MMS19: variants seen among roughly 807,000 people sequenced by gnomAD.
MMS19 encodes MMS19 nucleotide excision repair protein homolog.
Under a neutral mutation model 129.8 loss-of-function variants are expected in MMS19, and 77 were observed. The observed-to-expected ratio is 0.59, with a 90% CI of 0.49 to 0.72. MMS19 has a LOEUF of 0.72. Among genes scored for constraint, MMS19 ranks in the 30% least tolerant of loss-of-function variants. The pLI is 0.00. For synonymous variants in MMS19, 491 were observed against 502.8 expected, an observed-to-expected ratio of 0.98 and a Z score of 0.31; for missense variants, 1,168 against 1,266.3, an observed-to-expected ratio of 0.92 and a Z score of 1.18.
chr10:97,473,844 C>T (rs912299403), intron 8 of MMS19, among the ~76,000 whole-genome samples: 1 of 151,912 alleles, frequency 6.6e-6, no homozygotes. Context: ...ACTGTCTGGC[C>T]TTTTATAGAA....
chr10:97,488,627 G>A (rs1488174129), intron 1 of MMS19, among the ~76,000 whole-genome samples: 1 of 152,196 alleles, frequency 6.6e-6, no homozygotes, highest in Non-Finnish European at 1.5e-5. Flanking sequence ...TACAATCTAA[G>A]TGCTACGCAA....
intron 8 of MMS19, among the ~76,000 whole-genome samples, chr10:97,471,372 A>T (rs1233689009): frequency 2.6e-5 from 4 of 152,038 alleles, no homozygotes; most frequent in African/African-American, 9.7e-5. Context: ...TTTCACCCTT[A>T]TAAAAAGCTG....
chr10:97,458,613 C>T lies in MMS19; in HGVS notation c.*79G>A, dbSNP rs1316556513. 2.0e-5 allele frequency: 29 copies of T among 1,450,878 alleles called. No individual in the cohort carries two copies. Among genetic ancestry groups the T allele is most frequent in the Non-Finnish European group, 2.4e-5 (26 of 1,072,312 alleles). 89.9% of individuals were successfully genotyped at this position (1,450,878 alleles called of 1,614,324 possible). ...AAAGGCAGTCAGAGACCAGTGGTTT[C>T]CCTGCTTTGGGGAAGATGGCTCAAC... On this transcript the variant is annotated 3_prime_UTR_variant, in exon 31 of 31. Transcript: ENST00000438925.
At chr10:97,489,891 T>C (rs569740082) in intron 1 of MMS19, among the ~76,000 whole-genome samples, 1 of 152,356 alleles carries the variant, frequency 6.6e-6, no homozygotes, top group South Asian at 2.1e-4. Context: ...GGATATAAGA[T>C]AGTAACATGG....
chr10:97,496,414 T>C (rs568715845), intron 1 of MMS19, among the ~76,000 whole-genome samples: 14 of 151,386 alleles, frequency 9.2e-5, no homozygotes, highest in Non-Finnish European at 1.8e-4. Flanking sequence ...TTCGGGAGGC[T>C]TGAGGCAGGA....
intron 1 of MMS19, among the ~76,000 whole-genome samples, chr10:97,486,635 T>C (rs1281762005): frequency 3.3e-5 from 5 of 151,958 alleles, no homozygotes; most frequent in African/African-American, 1.2e-4. Context: ...AGTAGAATGG[T>C]GGCTGCAAAG....
At chr10:97,467,977 TA>T (rs1473184802) in intron 13 of MMS19, among the ~76,000 whole-genome samples, 1 of 151,790 alleles carries the variant, frequency 6.6e-6, no homozygotes, top group East Asian at 1.9e-4. Context: ...TTGGCTAATT[TA>T]AAAAAAATTT....
intron 1 of MMS19, among the ~76,000 whole-genome samples, chr10:97,488,512 T>C (rs2038305655): frequency 6.6e-6 from 1 of 152,192 alleles, no homozygotes; most frequent in Non-Finnish European, 1.5e-5. Context: ...CTAAAATCTG[T>C]GGATGCTCAA....
chr10:97,461,950 C>T, intron 21 of MMS19, 54 bp from the exon 22 acceptor site: 1 of 1,570,114 alleles, frequency 6.4e-7, no homozygotes, highest in Non-Finnish European at 8.6e-7. Context: ...TTGTCTGCCC[C>T]TCTACCCATT....
At chr10:97,476,339 C>A (rs947888714) in intron 8 of MMS19, among the ~76,000 whole-genome samples, 1 of 152,222 alleles carries the variant, frequency 6.6e-6, no homozygotes, top group African/African-American at 2.4e-5. Flanking sequence ...TCACACTGAA[C>A]TTTTGTCTTC....
At chr10:97,488,078 C>T (rs189517004) in intron 1 of MMS19, among the ~76,000 whole-genome samples, 22 of 151,698 alleles carry the variant, frequency 1.5e-4, no homozygotes, top group Admixed American at 6.6e-4. Flanking sequence ...GACAGAGTGA[C>T]GATCTGTCTC....
intron 1 of MMS19, among the ~76,000 whole-genome samples, chr10:97,494,861 C>T (rs991599225): frequency 6.6e-6 from 1 of 152,220 alleles, no homozygotes; most frequent in Admixed American, 6.5e-5. Context: ...CTTCCTTCAA[C>T]ATTTCTCATT....
At chr10:97,490,023 GT>G (rs756899520) in intron 1 of MMS19, among the ~76,000 whole-genome samples, 2 of 152,146 alleles carry the variant, frequency 1.3e-5, no homozygotes, top group Non-Finnish European at 2.9e-5. Context: ...TATTCATTAA[GT>G]CCAGCTCACA....
intron 4 of MMS19, 105 bp downstream of exon 4, chr10:97,478,199 G>A (rs766860366): frequency 2.3e-5 from 20 of 872,364 alleles, no homozygotes; most frequent in Non-Finnish European, 3.7e-5. Context: ...CCACACTTGG[G>A]CACCTGCTCC....
At chr10:97,473,862 GC>G (rs907927804) in intron 8 of MMS19, among the ~76,000 whole-genome samples, 1 of 152,104 alleles carries the variant, frequency 6.6e-6, no homozygotes, top group Admixed American at 6.6e-5. Context: ...GAAAAAGTTG[GC>G]CAGGCATGGT....
chr10:97,461,888 G>A lies in MMS19; in HGVS notation c.2124C>T (p.Ser708=). The A allele has an allele frequency of 1.2e-6, 2 of 1,605,310 alleles. No homozygotes were observed. Among genetic ancestry groups the A allele is most frequent in the Non-Finnish European group, 1.7e-6 (2 of 1,176,038 alleles). The change falls in exon 22 of 31, where the codon TCC becomes TCT. Residue 708 remains serine, a synonymous_variant. Coordinates refer to ENST00000438925, the MANE Select transcript of MMS19 (RefSeq NM_022362.5). ...PSRFQPFQDG[S]SGQRRLIALL... is the part of the protein sequence containing the mutation. ...GTGCAATCAGCCGCCTCTGCCCTGAGGAGCCATCCTATAAAGGAAGGAGAG... is the reference window on the plus strand; with the variant it reads ...GTGCAATCAGCCGCCTCTGCCCTGAAGAGCCATCCTATAAAGGAAGGAGAG...
chr10:97,493,460 A>G (rs550156823), intron 1 of MMS19, among the ~76,000 whole-genome samples: 1 of 152,164 alleles, frequency 6.6e-6, no homozygotes, highest in South Asian at 2.1e-4. Flanking sequence ...AGTCTCAGCT[A>G]CTCTGGAGGC....
chr10:97,490,640 G>C (rs1363222762), intron 1 of MMS19, among the ~76,000 whole-genome samples: 2 of 152,184 alleles, frequency 1.3e-5, no homozygotes, highest in African/African-American at 4.8e-5. Context: ...AAGTGAAAGA[G>C]AGGTCTGAAG....
At chr10:97,483,995 GGGCTACAAGACAAATTCA>G (rs1408176070) in intron 2 of MMS19, 90 bp downstream of exon 2, 1 of 706,488 alleles carries the variant, frequency 1.4e-6, no homozygotes, top group East Asian at 2.7e-5. Context: ...GGGGGCTGCT[GGGCTACAAGACAAATTCA>G]GGCTCCAGGA....
Sources: allele counts gnomAD v4.1 joint callset (sites outside exome capture counted in the v4.1 genomes callset), GRCh38; gene constraint gnomAD v4.1.1; transcripts MANE v1.5; gene names NCBI Gene and HGNC (gene_info 2026-07-23, HGNC 2026-07-21).